Variants in KIRREL1 observed in about 807,000 individuals in gnomAD.
KIRREL1 encodes the protein kirre like nephrin family adhesion molecule 1.
Under a neutral mutation model 83.3 loss-of-function variants are expected in KIRREL1, and 25 were observed. The observed-to-expected ratio is 0.30, with a 90% CI of 0.22 to 0.42. KIRREL1 has a LOEUF of 0.42. Among genes scored for constraint, KIRREL1 ranks in the 10% least tolerant of loss-of-function variants. The probability of loss-of-function intolerance (pLI) is 1.00; values close to 1 mark genes in which losing one functional copy is unlikely to be tolerated. For missense variants in KIRREL1, 812 were observed against 1,032.3 expected (o/e 0.79, Z 2.92); for synonymous variants, 388 against 410.4 (o/e 0.95, Z 0.66).
chr1:158,088,674 C>T (rs891269207), intron 8 of KIRREL1, among the ~76,000 whole-genome samples: 6 of 151,178 alleles, frequency 4.0e-5, no homozygotes, highest in South Asian at 2.1e-4. Flanking sequence ...TTAGTAGAGA[C>T]GGGGTTTCAC....
chr1:158,028,229 A>C (rs1660226235), intron 1 of KIRREL1, among the ~76,000 whole-genome samples: 1 of 152,160 alleles, frequency 6.6e-6, no homozygotes, highest in Non-Finnish European at 1.5e-5. Context: ...AGACTTTATT[A>C]GCCTTGTCTG....
intron 1 of KIRREL1, 97 bp downstream of exon 1, chr1:157,993,825 C>A: frequency 1.3e-6 from 1 of 768,018 alleles, no homozygotes; most frequent in Non-Finnish European, 1.9e-6. Context: ...CCGCGGCCCG[C>A]GGCCAGTCCC....
At position 158,056,137 on chromosome 1, in the gene KIRREL1, T is replaced by A. The variant is rs143119329; in HGVS notation, c.53-19976T>A. 1.5e-4 allele frequency among the ~76,000 whole-genome samples: 23 copies of A among 152,228 alleles called. No individual in the cohort carries two copies. The East Asian group carries it at 4.5e-3, about 30-fold the overall frequency. The stretch of plus-strand genomic sequence containing the variant: ...CCTCGCCCCCCCTCATCCTGCCCTC[T>A]CCTTTCCTTTCAGCCCAAATGGGCA... On this transcript the variant is annotated intron_variant, in intron 1 of 14. Coordinates refer to ENST00000359209, the MANE Select transcript of KIRREL1 (RefSeq NM_018240.7).
Position 158,094,655 on chromosome 1 carries a change from T to C in KIRREL1, c.1809T>C (p.Asn603=), listed in dbSNP as rs1404154011. 2.5e-6 allele frequency: 4 copies of C among 1,596,906 alleles called. No individual in the cohort carries two copies. The highest frequency in any genetic ancestry group is 8.5e-7 in the Non-Finnish European group (1 of 1,173,162). Residue 603 remains asparagine, a synonymous_variant, in exon 15 of 15, where the codon AAT becomes AAC. Transcript: ENST00000359209. This position sits in a 1 kb window ranked among gnomAD's most constrained non-coding sequence, Gnocchi z 4.6. ...REEYEMKDPT[N]GYYNVRAHED... The stretch of plus-strand genomic sequence containing the variant: ...CTCATTGCCCCCAGGACCCCACCAA[T>C]GGCTACTACAACGTGCGTGCCCATG...
chr1:158,023,962 T>C (rs907480264), intron 1 of KIRREL1, among the ~76,000 whole-genome samples: 64 of 152,296 alleles, frequency 4.2e-4, no homozygotes, highest in African/African-American at 1.5e-3. Flanking sequence ...GTCGTTGTTT[T>C]CTTTTGACGA....
intron 1 of KIRREL1, among the ~76,000 whole-genome samples, chr1:158,038,581 C>T (rs992912038): frequency 6.6e-6 from 1 of 151,008 alleles, no homozygotes; most frequent in Middle Eastern, 3.5e-3. Context: ...TGCCTTGGCC[C>T]CCCCAAAACA....
chr1:158,076,020 GCT>G (rs1197782483), intron 1 of KIRREL1, 91 bp from the exon 2 acceptor site: 14 of 1,233,632 alleles, frequency 1.1e-5, no homozygotes. Flanking sequence ...CCAACTGGAG[GCT>G]CTCCCTCCTT....
intron 1 of KIRREL1, among the ~76,000 whole-genome samples, chr1:158,002,662 T>A (rs1659397580): frequency 6.6e-6 from 1 of 152,146 alleles, no homozygotes; most frequent in Admixed American, 6.5e-5. Flanking sequence ...AAACACATAT[T>A]GACAATTTTA....
At chr1:158,009,939 G>A (rs1659624211) in intron 1 of KIRREL1, among the ~76,000 whole-genome samples, 1 of 152,240 alleles carries the variant, frequency 6.6e-6, no homozygotes, top group African/African-American at 2.4e-5. Flanking sequence ...TCAGGAGGCA[G>A]TATGGAAAGA....
At chr1:158,092,026 A>C (rs1487733330) in intron 11 of KIRREL1, among the ~76,000 whole-genome samples, 4 of 152,250 alleles carry the variant, frequency 2.6e-5, no homozygotes, top group African/African-American at 9.6e-5. Flanking sequence ...AAAAGGGAAT[A>C]ACACGCCCAT....
intron 1 of KIRREL1, among the ~76,000 whole-genome samples, chr1:158,011,410 GA>G (rs1454348930): frequency 1.3e-5 from 2 of 152,208 alleles, no homozygotes; most frequent in Non-Finnish European, 2.9e-5. Flanking sequence ...ATGGGCTGAA[GA>G]GCTGAGCCCA....
Position 158,087,864 on chromosome 1 carries a change from A to G in KIRREL1, c.767+4A>G. On this transcript the variant is annotated splice_donor_region_variant and intron_variant, in intron 6 of 14. Transcript: ENST00000359209. ...ACCCCGAGATCTTGGGCTACAGGTGAGGGGGTCAGAGGCTGGGAGCGCTCT... is the reference window on the plus strand; with the variant it reads ...ACCCCGAGATCTTGGGCTACAGGTGGGGGGGTCAGAGGCTGGGAGCGCTCT... 1 of 1,612,828 alleles carries G rather than the reference A, an allele frequency of 6.2e-7. No individual in the cohort carries two copies. The highest frequency in any genetic ancestry group is 8.5e-7 in the Non-Finnish European group (1 of 1,179,154).
intron 1 of KIRREL1, among the ~76,000 whole-genome samples, chr1:158,039,068 G>A (rs1259585788): frequency 6.6e-6 from 1 of 152,170 alleles, no homozygotes; most frequent in Non-Finnish European, 1.5e-5. Flanking sequence ...CGCTGGACCG[G>A]AGACTTCTGA....
intron 1 of KIRREL1, among the ~76,000 whole-genome samples, chr1:158,004,185 T>G (rs1241094132): frequency 6.6e-6 from 1 of 152,178 alleles, no homozygotes; most frequent in Non-Finnish European, 1.5e-5. Context: ...TTGTGAGGAT[T>G]GAATGAGAGG....
chr1:158,012,557 A>T (rs755565776), intron 1 of KIRREL1, among the ~76,000 whole-genome samples: 8 of 152,156 alleles, frequency 5.3e-5, no homozygotes, highest in Non-Finnish European at 8.8e-5. Flanking sequence ...GTGGTGTAAT[A>T]AAAAGAGTCC....
At chr1:158,089,664 CG>C in intron 9 of KIRREL1, 36 bp downstream of exon 9, 1 of 1,613,440 alleles carries the variant, frequency 6.2e-7, no homozygotes, top group Non-Finnish European at 8.5e-7. Flanking sequence ...CGGGCCTGGG[CG>C]GGCTGGTACT....
At chr1:158,013,151 C>T (rs1050942476) in intron 1 of KIRREL1, among the ~76,000 whole-genome samples, 7 of 152,202 alleles carry the variant, frequency 4.6e-5, no homozygotes, top group Non-Finnish European at 1.0e-4. Flanking sequence ...GTCCATTTCT[C>T]CCTTTATCCC....
At position 158,094,960 on chromosome 1, in the gene KIRREL1, G is replaced by C; in HGVS notation, c.2114G>C (p.Arg705Pro). 6.2e-7 allele frequency: 1 copy of C among 1,613,898 alleles called. No individual in the cohort carries two copies. The highest frequency in any genetic ancestry group is 8.5e-7 in the Non-Finnish European group (1 of 1,179,930). Reference sequence around the variant, plus strand: ...GGGGCAGCTGGGTACCCCACCTACCGACTGGGCTACCCCCAGGCCCCACCC... The same window carrying C: ...GGGGCAGCTGGGTACCCCACCTACCCACTGGGCTACCCCCAGGCCCCACCC... ...FPGAAGYPTY[R>P]LGYPQAPPSG... Residue 705 changes from arginine to proline, a missense_variant, in exon 15 of 15, where the codon CGA becomes CCA. Physicochemically the swap from Arg to Pro is moderately radical, Grantham distance 103 (BLOSUM62 -2). Coordinates refer to ENST00000359209, the MANE Select transcript of KIRREL1 (RefSeq NM_018240.7). The surrounding 1 kb of genome is among the most constrained non-coding windows in gnomAD (Gnocchi z 4.6).
chr1:158,039,988 G>A (rs1008354150), intron 1 of KIRREL1, among the ~76,000 whole-genome samples: 4 of 152,236 alleles, frequency 2.6e-5, no homozygotes, highest in Non-Finnish European at 5.9e-5. Context: ...TACTCATAAA[G>A]CAGAGCTCTG....
Sources: allele counts gnomAD v4.1 joint callset (sites outside exome capture counted in the v4.1 genomes callset), GRCh38; gene constraint gnomAD v4.1.1; non-coding constraint Gnocchi (gnomAD v3.1); transcripts MANE v1.5; gene names NCBI Gene and HGNC (gene_info 2026-07-23, HGNC 2026-07-21).